IRS1: variants seen among roughly 807,000 people sequenced by gnomAD.
The protein encoded by IRS1 is insulin receptor substrate 1.
In IRS1, 34 loss-of-function variants were observed where a neutral mutation model predicts 65.6. That is an observed-to-expected ratio of 0.52 (90% CI 0.39 to 0.69). The LOEUF is 0.69. Among genes scored for constraint, IRS1 ranks in the 30% least tolerant of loss-of-function variants. IRS1 has a pLI of 0.00. For synonymous variants in IRS1, 699 were observed against 683.5 expected, an observed-to-expected ratio of 1.02 and a Z score of -0.35; for missense variants, 1,641 against 1,720.2, an observed-to-expected ratio of 0.95 and a Z score of 0.81.
intron 1 of IRS1, among the ~76,000 whole-genome samples, chr2:226,791,566 C>T (rs1939602003): frequency 6.6e-6 from 1 of 152,116 alleles, no homozygotes; most frequent in Non-Finnish European, 1.5e-5. Context: ...CAGAGGGGGC[C>T]TGCGGCTCGG....
chr2:226,750,139 C>A (rs1938644991), intron 1 of IRS1, among the ~76,000 whole-genome samples: 1 of 150,932 alleles, frequency 6.6e-6, no homozygotes, highest in Non-Finnish European at 1.5e-5. Context: ...ATCCAAGCTA[C>A]TTGGGAGGCT....
intron 1 of IRS1, chr2:226,792,477 G>A (rs183776654): frequency 1.3e-5 from 2 of 152,356 alleles, no homozygotes; most frequent in Non-Finnish European, 2.9e-5. Flanking sequence ...ACTAGAAAAC[G>A]AGCAAGCCAG....
At position 226,795,327 on chromosome 2, in the gene IRS1, C is replaced by T. The variant is rs899984257; in HGVS notation, c.3412G>A (p.Val1138Met). 1.2e-6 allele frequency: 2 copies of T among 1,613,568 alleles called. No individual in the cohort carries two copies. Among genetic ancestry groups the T allele is most frequent in the African/African-American group, 1.3e-5 (1 of 75,060 alleles). The change falls in exon 1 of 2, where the codon GTG (valine) becomes ATG (methionine). Residue 1138 changes from valine (V) to methionine (M), a missense_variant. This residue lies in a region of IRS1 where 1,324 missense variants were observed against 1,361.0 expected (regional missense o/e 0.97). Transcript: ENST00000305123. Reference sequence around the variant, plus strand: ...AAGGAAGCAGAGCTGTGGCGTTTCACATCCTCGCTGCTGCTGCTGCTACCG... The same window carrying T: ...AAGGAAGCAGAGCTGTGGCGTTTCATATCCTCGCTGCTGCTGCTGCTACCG... ...GGGSSSSSED[V>M]KRHSSASFEN...
chr2:226,791,777 G>A (rs558788277), intron 1 of IRS1, among the ~76,000 whole-genome samples: 4 of 152,082 alleles, frequency 2.6e-5, no homozygotes, highest in Admixed American at 1.3e-4. Context: ...CCAGAGCCGC[G>A]CGGCTGTGCC....
chr2:226,746,790 T>A (rs1157256999), intron 1 of IRS1, among the ~76,000 whole-genome samples: 1 of 147,186 alleles, frequency 6.8e-6, no homozygotes, highest in African/African-American at 2.5e-5. Flanking sequence ...GCATTCTTTT[T>A]TTTTTTTTTT....
chr2:226,793,971 T>G (rs1939657327), intron 1 of IRS1, among the ~76,000 whole-genome samples: 1 of 152,212 alleles, frequency 6.6e-6, no homozygotes, highest in Non-Finnish European at 1.5e-5. Flanking sequence ...TGGTGTCTAC[T>G]TTTGAACTTA....
intron 1 of IRS1, among the ~76,000 whole-genome samples, chr2:226,780,869 G>A (rs1939367382): frequency 6.6e-6 from 1 of 152,172 alleles, no homozygotes; most frequent in African/African-American, 2.4e-5. Flanking sequence ...TATTGTTCTT[G>A]TTTGAAACTT....
intron 1 of IRS1, among the ~76,000 whole-genome samples, chr2:226,778,848 C>G (rs1160280749): frequency 1.3e-5 from 2 of 152,220 alleles, no homozygotes; most frequent in African/African-American, 4.8e-5. Context: ...GACAATCTCT[C>G]TCAAGCACAT....
rs145977916 is a variant in IRS1, at chr2:226,795,351, C to T, written c.3388G>A (p.Gly1130Ser). Residue 1130 changes from glycine to serine, a missense_variant, in exon 1 of 2, where the codon GGT (glycine) becomes AGT (serine). Gly to Ser is a moderately conservative substitution (Grantham distance 56, BLOSUM62 0). Transcript: ENST00000305123. ...ACATCCTCGCTGCTGCTGCTGCTAC[C>T]GCCACCGCCCCCTACTGCTGCCCCC... ...GAGAAVGGGG[G>S]SSSSSEDVKR... The T allele has an allele frequency of 4.3e-4, 700 of 1,613,166 alleles. 1 individual carries two copies. Among genetic ancestry groups the T allele is most frequent in the Non-Finnish European group, 5.1e-4 (598 of 1,179,970 alleles).
At position 226,759,072 on chromosome 2, in the gene IRS1, T is replaced by G. The variant is rs369437503; in HGVS notation, c.*22-22822A>C. ...AATGGGGGATAATGAAAAAATCGGC[T>G]CTAATATCCAAAACTGCCTGTGTCC... On this transcript the variant is annotated intron_variant, in intron 1 of 1. Coordinates refer to ENST00000305123, the MANE Select transcript of IRS1 (RefSeq NM_005544.3). Among the ~76,000 whole-genome samples, 7 of 152,270 alleles carry G rather than the reference T, an allele frequency of 4.6e-5. No individual in the cohort carries two copies. The South Asian group carries it at 1.4e-3, about 32-fold the overall frequency.
chr2:226,758,806 C>A lies in IRS1; in HGVS notation c.*22-22556G>T, dbSNP rs76302802. On this transcript the variant is annotated intron_variant, in intron 1 of 1. Transcript: ENST00000305123. ...AATGATTGGATGCTAATGGAAACCA[C>A]CTCCAAATTAGCCAGACAGGACACA... Among the ~76,000 whole-genome samples, 671 of 152,218 alleles carry A rather than the reference C, an allele frequency of 4.4e-3. 3 individuals carry two copies. The highest frequency in any genetic ancestry group is 0.015 in the African/African-American group (640 of 41,526).
At chr2:226,792,989 G>A (rs1264570640) in intron 1 of IRS1, among the ~76,000 whole-genome samples, 10 of 152,118 alleles carry the variant, frequency 6.6e-5, no homozygotes, top group Non-Finnish European at 1.5e-4. Flanking sequence ...AAGCATGGTC[G>A]ATTGTTACTC....
chr2:226,752,165 G>A lies in IRS1; in HGVS notation c.*22-15915C>T, dbSNP rs188719808. Among the ~76,000 whole-genome samples, 8 of 152,236 alleles carry A rather than the reference G, an allele frequency of 5.3e-5. 1 individual carries two copies. Among genetic ancestry groups the A allele is most frequent in the Admixed American group, 3.9e-4 (6 of 15,276 alleles). ...GTGCAGGTAGCTCATTCCCAGAACC[G>A]TAGATGCTTCCAGAGAAAGATCCCG... On this transcript the variant is annotated intron_variant, in intron 1 of 1. Transcript: ENST00000305123.
intron 1 of IRS1, among the ~76,000 whole-genome samples, chr2:226,775,261 G>T (rs139843609): frequency 9.8e-4 from 149 of 152,354 alleles, no homozygotes; most frequent in Non-Finnish European, 1.5e-3. Flanking sequence ...AAAGGCAAAA[G>T]AAACTTGACA....
At chr2:226,776,033 G>T (rs545294985) in intron 1 of IRS1, among the ~76,000 whole-genome samples, 5 of 152,136 alleles carry the variant, frequency 3.3e-5, no homozygotes, top group Middle Eastern at 6.8e-3. Flanking sequence ...CCAATAAAAG[G>T]AAGCAGCTCC....
rs151052373 is a variant in IRS1, at chr2:226,796,399, C to A, written c.2340G>T (p.Pro780=). Residue 780 remains proline (P), a synonymous_variant, in exon 1 of 2, where the codon CCG becomes CCT. Coordinates refer to ENST00000305123, the MANE Select transcript of IRS1 (RefSeq NM_005544.3). ...GGTGCTGATGCCGGGCACCCTCCTC[C>A]GGCTCCCCGGGGCGCTGGGTGTGCT... is the stretch of plus-strand genomic sequence containing the variant. ...SFKHTQRPGE[P]EEGARHQHLR... is the part of the protein sequence containing the mutation. 3 of 1,613,386 alleles carry A rather than the reference C, an allele frequency of 1.9e-6. No individual in the cohort carries two copies. Among genetic ancestry groups the A allele is most frequent in the Non-Finnish European group, 2.5e-6 (3 of 1,180,038 alleles).
intron 1 of IRS1, among the ~76,000 whole-genome samples, chr2:226,770,887 C>T (rs564313206): frequency 2.0e-5 from 3 of 152,150 alleles, no homozygotes; most frequent in South Asian, 2.1e-4. Context: ...ACTTTTAACT[C>T]GAATATTTTT....
chr2:226,781,248 G>A (rs746308803), intron 1 of IRS1, among the ~76,000 whole-genome samples: 1 of 152,016 alleles, frequency 6.6e-6, no homozygotes, highest in Non-Finnish European at 1.5e-5. Flanking sequence ...ACTTACTTTC[G>A]CTGGAAATCC....
chr2:226,774,256 G>A (rs887678195), intron 1 of IRS1, among the ~76,000 whole-genome samples: 18 of 152,194 alleles, frequency 1.2e-4, no homozygotes, highest in Admixed American at 3.3e-4. Context: ...CTGGTAGATA[G>A]GTTCAAATAA....
Sources: allele counts gnomAD v4.1 joint callset (sites outside exome capture counted in the v4.1 genomes callset), GRCh38; gene constraint gnomAD v4.1.1; regional missense constraint gnomAD v4.1.1; transcripts MANE v1.5; gene names NCBI Gene and HGNC (gene_info 2026-07-23, HGNC 2026-07-21).